NXPH2: variants seen among roughly 807,000 people sequenced by gnomAD.
The protein encoded by NXPH2 is neurexophilin 2, also known as neurexophilin-2.
NXPH2 carries 5 observed loss-of-function variants against 19.8 expected under a neutral mutation model. The observed-to-expected ratio is 0.25, with a 90% CI of 0.13 to 0.53. NXPH2 has a LOEUF of 0.53. NXPH2 is among the 20% of genes least tolerant of loss of function. NXPH2 has a pLI of 0.96. For synonymous variants in NXPH2, 154 were observed against 127.4 expected (o/e 1.21, Z -1.41); for missense variants, 289 against 322.8 (o/e 0.90, Z 0.80).
intron 1 of NXPH2, among the ~76,000 whole-genome samples, chr2:138,721,044 T>G (rs1681271499): frequency 6.6e-6 from 1 of 152,142 alleles, no homozygotes; most frequent in South Asian, 2.1e-4. Flanking sequence ...ATTGTGAAAT[T>G]AAAAGTTGCC....
chr2:138,697,014 G>T (rs973065977), intron 1 of NXPH2, among the ~76,000 whole-genome samples: 7 of 152,010 alleles, frequency 4.6e-5, no homozygotes, highest in African/African-American at 1.7e-4. Flanking sequence ...ATAGTACTCA[G>T]AATAAAGATA....
At chr2:138,688,738 A>C (rs1303451414) in intron 1 of NXPH2, among the ~76,000 whole-genome samples, 1 of 152,228 alleles carries the variant, frequency 6.6e-6, no homozygotes, top group African/African-American at 2.4e-5. Context: ...ACAGATGATC[A>C]TTGCAGTCAT....
At chr2:138,692,403 T>C (rs1008007267) in intron 1 of NXPH2, among the ~76,000 whole-genome samples, 1 of 152,230 alleles carries the variant, frequency 6.6e-6, no homozygotes, top group Non-Finnish European at 1.5e-5. Flanking sequence ...ATTCAATATA[T>C]GTGTAACGGA....
intron 1 of NXPH2, among the ~76,000 whole-genome samples, chr2:138,771,536 G>A (rs1408818866): frequency 2.0e-5 from 3 of 152,200 alleles, no homozygotes; most frequent in Middle Eastern, 3.4e-3. Context: ...ACAGGCTGAA[G>A]CAAGTATTTG....
At chr2:138,726,055 T>C (rs911875379) in intron 1 of NXPH2, among the ~76,000 whole-genome samples, 12 of 152,286 alleles carry the variant, frequency 7.9e-5, no homozygotes, top group African/African-American at 2.6e-4. Flanking sequence ...ATTTTGTTTT[T>C]GTTTTGAGAT....
chr2:138,692,291 T>A (rs2104976687), intron 1 of NXPH2, among the ~76,000 whole-genome samples: 1 of 152,366 alleles, frequency 6.6e-6, no homozygotes, highest in African/African-American at 2.4e-5. Context: ...ACTGCTGGTA[T>A]GAATTCCACA....
At chr2:138,749,323 C>T (rs1435456501) in intron 1 of NXPH2, among the ~76,000 whole-genome samples, 1 of 152,136 alleles carries the variant, frequency 6.6e-6, no homozygotes, top group East Asian at 1.9e-4. Context: ...AATTAAACCT[C>T]TTTCCTTGTC....
intron 1 of NXPH2, among the ~76,000 whole-genome samples, chr2:138,679,515 C>T (rs1016169654): frequency 6.6e-6 from 1 of 152,004 alleles, no homozygotes; most frequent in African/African-American, 2.4e-5. Flanking sequence ...ATTCTCCTGC[C>T]TCAGACTCCC....
chr2:138,755,168 G>A (rs1043603520), intron 1 of NXPH2, among the ~76,000 whole-genome samples: 6 of 151,796 alleles, frequency 4.0e-5, no homozygotes, highest in Non-Finnish European at 4.4e-5. Context: ...TCTTTTAATA[G>A]TGCTTTCACT....
chr2:138,745,163 C>A (rs1332739256), intron 1 of NXPH2, among the ~76,000 whole-genome samples: 1 of 152,164 alleles, frequency 6.6e-6, no homozygotes, highest in Non-Finnish European at 1.5e-5. Flanking sequence ...GCCCAGCATA[C>A]TGGGAAAACT....
At chr2:138,717,678 T>G (rs72988932) in intron 1 of NXPH2, among the ~76,000 whole-genome samples, 2 of 152,118 alleles carry the variant, frequency 1.3e-5, no homozygotes, top group African/African-American at 4.8e-5. Flanking sequence ...AGCAGCAACC[T>G]GTATGCTTCA....
chr2:138,767,463 A>G (rs778990873), intron 1 of NXPH2, among the ~76,000 whole-genome samples: 126 of 152,234 alleles, frequency 8.3e-4, no homozygotes, highest in Non-Finnish European at 3.2e-4. Context: ...CATTTTTTTT[A>G]TTTTAAGTTC....
chr2:138,776,997 A>G (rs946380613), intron 1 of NXPH2, among the ~76,000 whole-genome samples: 1 of 152,068 alleles, frequency 6.6e-6, no homozygotes, highest in Non-Finnish European at 1.5e-5. Flanking sequence ...TCACAGTAAA[A>G]CAAGTTAAAA....
chr2:138,675,517 A>G (rs1680473411), intron 1 of NXPH2, among the ~76,000 whole-genome samples: 1 of 152,116 alleles, frequency 6.6e-6, no homozygotes, highest in South Asian at 2.1e-4. Context: ...AATAATAATA[A>G]TAATAGTAAT....
chr2:138,762,849 A>C (rs1682037347), intron 1 of NXPH2, among the ~76,000 whole-genome samples: 1 of 152,210 alleles, frequency 6.6e-6, no homozygotes, highest in Non-Finnish European at 1.5e-5. Context: ...TAGTATAATG[A>C]GAAGAGGAGC....
At chr2:138,675,896 C>T (rs770747224) in intron 1 of NXPH2, among the ~76,000 whole-genome samples, 1 of 152,112 alleles carries the variant, frequency 6.6e-6, no homozygotes, top group African/African-American at 2.4e-5. Flanking sequence ...TAATGTTTCT[C>T]TCTTCCAGTG....
intron 1 of NXPH2, among the ~76,000 whole-genome samples, chr2:138,735,618 AT>A (rs776857423): frequency 2.6e-4 from 39 of 152,260 alleles, no homozygotes; most frequent in Middle Eastern, 3.4e-3. Flanking sequence ...AAACCATATC[AT>A]TTTTCACCTG....
chr2:138,745,900 A>G (rs1681723448), intron 1 of NXPH2, among the ~76,000 whole-genome samples: 1 of 152,220 alleles, frequency 6.6e-6, no homozygotes, highest in Non-Finnish European at 1.5e-5. Context: ...CGGCCCATAA[A>G]TACAAAATAA....
chr2:138,776,837 A>T (rs374494874), intron 1 of NXPH2, among the ~76,000 whole-genome samples: 1 of 152,062 alleles, frequency 6.6e-6, no homozygotes, highest in East Asian at 1.9e-4. Flanking sequence ...GTTTTAATGT[A>T]AGTACCCTTA....
Sources: gnomAD v4.1 joint callset for allele counts (sites outside exome capture counted in the v4.1 genomes callset) on GRCh38, gnomAD v4.1.1 for gene constraint, MANE v1.5 for transcripts, NCBI Gene and HGNC (gene_info 2026-07-23, HGNC 2026-07-21) for gene names.